CENPO: variants seen among roughly 807,000 people sequenced by gnomAD.
CENPO encodes centromeric protein O.
Under a neutral mutation model 36.1 loss-of-function variants are expected in CENPO, and 30 were observed. That is an observed-to-expected ratio of 0.83 (90% CI 0.62 to 1.13). CENPO has a LOEUF of 1.13. Among genes scored for constraint, CENPO ranks in the 50% most tolerant of loss-of-function variants. The pLI is 0.00. For missense variants in CENPO, 349 were observed against 357.8 expected, an observed-to-expected ratio of 0.98 and a Z score of 0.20; for synonymous variants, 171 against 142.3, an observed-to-expected ratio of 1.20 and a Z score of -1.44.
intron 3 of CENPO, among the ~76,000 whole-genome samples, chr2:24,803,561 T>G (rs1007222355): frequency 6.6e-6 from 1 of 152,238 alleles, no homozygotes; most frequent in African/African-American, 2.4e-5. Context: ...AGAACATCTT[T>G]ATTTCTGCCT....
At position 24,821,358 on chromosome 2, in the gene CENPO, G is replaced by T; in HGVS notation, c.*2040G>T. 1.9e-6 allele frequency: 2 copies of T among 1,073,198 alleles called. No homozygotes were observed. Among genetic ancestry groups the T allele is most frequent in the Non-Finnish European group, 2.7e-6 (2 of 748,000 alleles). The allele number at this position is 1,073,198 out of a possible 1,614,324, so 66.5% of individuals were successfully genotyped here. ...TTGGTTTAGTCATCTAGAGTCGTCT[G>T]GACTAAAGGTCTTTCAGGTCTCCTT... On this transcript the variant is annotated 3_prime_UTR_variant, in exon 8 of 8. Coordinates refer to ENST00000380834, the MANE Select transcript of CENPO (RefSeq NM_001322101.2).
At position 24,820,862 on chromosome 2, in the gene CENPO, A is replaced by G; in HGVS notation, c.*1544A>G. The G allele has an allele frequency of 1.2e-6, 2 of 1,613,398 alleles. No individual in the cohort carries two copies. The highest frequency in any genetic ancestry group is 1.7e-6 in the Non-Finnish European group (2 of 1,179,544). ...CTTTGTTCATGCCTAGGGTAGAGGC[A>G]TAAAGTTCAGCACAGCCACAGGCCA... On this transcript the variant is annotated 3_prime_UTR_variant, in exon 8 of 8. Transcript: ENST00000380834.
In CENPO at chr2:24,819,835, A is replaced by T; in HGVS notation, c.*517A>T. 1.5e-6 allele frequency: 2 copies of T among 1,321,460 alleles called. No homozygotes were observed. The highest frequency in any genetic ancestry group is 2.1e-6 in the Non-Finnish European group (2 of 959,322). 81.9% of individuals were successfully genotyped at this position (1,321,460 alleles called of 1,614,324 possible). ...GAGGAGGTTTCTAAACCTAAAGTCC[A>T]TGAGTGTGCACTTCAATCCAGGAAG... On this transcript the variant is annotated 3_prime_UTR_variant, in exon 8 of 8. Transcript: ENST00000380834.
chr2:24,816,881 ATAGG>A, intron 6 of CENPO, 64 bp downstream of exon 6: 2 of 1,465,902 alleles, frequency 1.4e-6, no homozygotes, highest in East Asian at 4.7e-5. Context: ...AACAGGGAAA[ATAGG>A]TAGAATCCAT....
chr2:24,797,059 T>C (rs1018146327), intron 2 of CENPO, among the ~76,000 whole-genome samples: 8 of 152,212 alleles, frequency 5.3e-5, no homozygotes, highest in African/African-American at 1.2e-4. Flanking sequence ...TTTTGAAATA[T>C]GGCTTCAGTG....
intron 3 of CENPO, among the ~76,000 whole-genome samples, chr2:24,807,899 A>G (rs1666491485): frequency 6.6e-6 from 1 of 152,240 alleles, no homozygotes; most frequent in South Asian, 2.1e-4. Context: ...GAATCCCTGT[A>G]TTGAACATTT....
rs1406190010 is a variant in CENPO, at chr2:24,821,341, GTCA to G, written c.*2026_*2028del. On this transcript the variant is annotated 3_prime_UTR_variant, in exon 8 of 8. Transcript: ENST00000380834. ...TCACATCAGCTGGGTTTTTGGTTTA[GTCA>G]TCTAGAGTCGTCTGGACTAAAGGTC... The G allele has an allele frequency of 3.3e-6, 3 of 898,132 alleles. No homozygotes were observed. The highest frequency in any genetic ancestry group is 3.3e-6 in the Non-Finnish European group (2 of 601,188). The allele number at this position is 898,132 out of a possible 1,614,324, so 55.6% of individuals were successfully genotyped here.
In CENPO at chr2:24,820,155, GAGCCTAGACTGA is replaced by G; in HGVS notation, c.*838_*849del. On this transcript the variant is annotated 3_prime_UTR_variant, in exon 8 of 8. Coordinates refer to ENST00000380834, the MANE Select transcript of CENPO (RefSeq NM_001322101.2). ...GAGCAAGAACGTGGCGTTACGGGGG[GAGCCTAGACTGA>G]GGGCGGGTGGGGGCTTTGGGTGGTT... is the stretch of plus-strand genomic sequence containing the variant. 3 of 1,297,518 alleles carry G rather than the reference GAGCCTAGACTGA, an allele frequency of 2.3e-6. No homozygotes were observed. Among genetic ancestry groups the G allele is most frequent in the Non-Finnish European group, 3.1e-6 (3 of 954,388 alleles). 80.4% of individuals were successfully genotyped at this position (1,297,518 alleles called of 1,614,324 possible). A position where few individuals can be genotyped will look rare whatever the true frequency, so the allele number is the denominator to read the frequency against.
At chr2:24,800,579 TG>T (rs1206216883) in intron 3 of CENPO, among the ~76,000 whole-genome samples, 1 of 150,738 alleles carries the variant, frequency 6.6e-6, no homozygotes, top group Non-Finnish European at 1.5e-5. Flanking sequence ...ATGCGGTGTT[TG>T]GTTTTTTGTC....
At chr2:24,812,189 A>G (rs1281070740) in intron 3 of CENPO, among the ~76,000 whole-genome samples, 2 of 152,220 alleles carry the variant, frequency 1.3e-5, no homozygotes, top group Non-Finnish European at 2.9e-5. Flanking sequence ...TGGTGAGTAT[A>G]TAATTAGATA....
At chr2:24,799,914 A>G in intron 3 of CENPO, 70 bp downstream of exon 3, 1 of 1,520,024 alleles carries the variant, frequency 6.6e-7, no homozygotes, top group Non-Finnish European at 9.0e-7. Flanking sequence ...GAATTGGTGA[A>G]TTGGCCATTT....
At position 24,793,766 on chromosome 2, in the gene CENPO, G is replaced by A. The variant is rs1351452854; in HGVS notation, c.-68-86G>A. 6.4e-6 allele frequency: 7 copies of A among 1,088,440 alleles called. No individual in the cohort carries two copies. The South Asian group carries it at 6.5e-5, about 10-fold the overall frequency. The allele number at this position is 1,088,440 out of a possible 1,614,324, so 67.4% of individuals were successfully genotyped here. On this transcript the variant is annotated intron_variant, in intron 1 of 7. Transcript: ENST00000380834. Reference sequence around the variant, plus strand: ...ACATTTGTGTCATCCGCGGCCCAGGGGTTGTGCCTGAGTGGTGTGTGCCCT... The same window carrying A: ...ACATTTGTGTCATCCGCGGCCCAGGAGTTGTGCCTGAGTGGTGTGTGCCCT...
intron 3 of CENPO, among the ~76,000 whole-genome samples, chr2:24,810,654 C>T (rs1389648971): frequency 1.3e-5 from 2 of 151,780 alleles, no homozygotes; most frequent in African/African-American, 4.8e-5. Flanking sequence ...ACTAGAGGTG[C>T]TCGCCACCAT....
rs767876918 is a variant in CENPO, at chr2:24,819,931, T to C, written c.*613T>C. 2 of 1,613,604 alleles carry C rather than the reference T, an allele frequency of 1.2e-6. No homozygotes were observed. Among genetic ancestry groups the C allele is most frequent in the Admixed American group, 3.3e-5 (2 of 59,986 alleles). ...TTGGACTGTTGCAGGCTCGAGGCCATTCAGGAGTTGTCCACCACCTGGTGG... is the reference window on the plus strand; with the variant it reads ...TTGGACTGTTGCAGGCTCGAGGCCACTCAGGAGTTGTCCACCACCTGGTGG... On this transcript the variant is annotated 3_prime_UTR_variant, in exon 8 of 8. Coordinates refer to ENST00000380834, the MANE Select transcript of CENPO (RefSeq NM_001322101.2).
At chr2:24,811,282 CTT>C (rs70947848) in intron 3 of CENPO, among the ~76,000 whole-genome samples, 2 of 105,550 alleles carry the variant, frequency 1.9e-5, no homozygotes, top group African/African-American at 3.8e-5. Context: ...AGTCCATGAA[CTT>C]TTTTTTTTTT....
At chr2:24,805,050 T>C (rs1376644770) in intron 3 of CENPO, among the ~76,000 whole-genome samples, 1 of 152,170 alleles carries the variant, frequency 6.6e-6, no homozygotes, top group African/African-American at 2.4e-5. Flanking sequence ...TCTCTAAACT[T>C]CTCTTCTTGC....
intron 3 of CENPO, among the ~76,000 whole-genome samples, chr2:24,808,648 T>C (rs1265304387): frequency 5.3e-5 from 8 of 152,202 alleles, no homozygotes; most frequent in African/African-American, 1.7e-4. Context: ...TAATTTGTGG[T>C]ATATATTGAT....
At chr2:24,803,348 A>T (rs1229397895) in intron 3 of CENPO, among the ~76,000 whole-genome samples, 1 of 151,634 alleles carries the variant, frequency 6.6e-6, no homozygotes, top group East Asian at 1.9e-4. Context: ...CTCTGATCTT[A>T]GTTATTTCTT....
intron 3 of CENPO, among the ~76,000 whole-genome samples, chr2:24,813,369 G>C (rs1254422876): frequency 6.6e-6 from 1 of 152,134 alleles, no homozygotes; most frequent in Non-Finnish European, 1.5e-5. Context: ...CAGTTGAGGT[G>C]GTCTATTTCC....
Sources: gnomAD v4.1 joint callset for allele counts (sites outside exome capture counted in the v4.1 genomes callset) on GRCh38, gnomAD v4.1.1 for gene constraint, MANE v1.5 for transcripts, NCBI Gene and HGNC (gene_info 2026-07-23, HGNC 2026-07-21) for gene names.